The following HMGXB3 variants were observed in gnomAD, a reference collection of about 807,000 sequenced individuals.
The protein encoded by HMGXB3 is HMG-box containing 3.
Under a neutral mutation model 121.5 loss-of-function variants are expected in HMGXB3, and 45 were observed. The ratio of observed to expected loss-of-function variants is 0.37; its 90% CI spans 0.29 to 0.47. The LOEUF is 0.47. Among genes scored for constraint, HMGXB3 ranks in the 20% least tolerant of loss-of-function variants. The pLI, the probability that HMGXB3 is intolerant of heterozygous loss-of-function variation, is 0.99. For missense variants in HMGXB3, 1,376 were observed against 1,602.2 expected, an observed-to-expected ratio of 0.86 and a Z score of 2.41; for synonymous variants, 590 against 624.1, an observed-to-expected ratio of 0.95 and a Z score of 0.81.
In HMGXB3 at chr5:150,010,334, C is replaced by T; in HGVS notation, c.536C>T (p.Ala179Val). Residue 179 changes from alanine (A) to valine (V), a missense_variant, in exon 4 of 20, where the codon GCA becomes GTA. Around this residue, in one of 2 missense-constraint regions of HMGXB3, gnomAD observed 1,116 missense variants for 1,369.0 expected, o/e 0.82. Transcript: ENST00000502717. ...PETVPSHAGMAEQCLAVEALA... is the reference protein window; with the variant it reads ...PETVPSHAGMVEQCLAVEALA... Reference sequence around the variant, plus strand: ...ACAGTGCCCAGCCATGCAGGCATGGCAGAGCAGTGCCTGGCTGTGGAGGCC... The same window carrying T: ...ACAGTGCCCAGCCATGCAGGCATGGTAGAGCAGTGCCTGGCTGTGGAGGCC... 2 of 1,551,710 alleles carry T rather than the reference C, an allele frequency of 1.3e-6. No homozygotes were observed. Among genetic ancestry groups the T allele is most frequent in the Non-Finnish European group, 1.7e-6 (2 of 1,146,990 alleles).
At position 150,011,623 on chromosome 5, in the gene HMGXB3, A is replaced by T. The variant is rs1309022877; in HGVS notation, c.811-632A>T. Among the ~76,000 whole-genome samples, 145 of 94,204 alleles carry T rather than the reference A, an allele frequency of 1.5e-3. 1 individual carries two copies. The highest frequency in any genetic ancestry group is 8.0e-3 in the African/African-American group (120 of 15,068). 61.8% of individuals were successfully genotyped at this position (94,204 alleles called of 152,430 possible). Reference sequence around the variant, plus strand: ...TTTTTGGTTTTTTTTTTTTTTTTTGAGACGGAGTTTTGCTCTTGTCACCCA... The same window carrying T: ...TTTTTGGTTTTTTTTTTTTTTTTTGTGACGGAGTTTTGCTCTTGTCACCCA... On this transcript the variant is annotated intron_variant, in intron 4 of 19. Coordinates refer to ENST00000502717, the MANE Select transcript of HMGXB3 (RefSeq NM_014983.3).
chr5:150,037,666 T>TTA (rs1241647419), intron 13 of HMGXB3, 139 bp downstream of exon 13: 1 of 655,938 alleles, frequency 1.5e-6, no homozygotes. Flanking sequence ...TCTTCCTAAA[T>TTA]GTCTTAGTCC....
At chr5:150,025,838 C>A (rs1365909225) in intron 7 of HMGXB3, among the ~76,000 whole-genome samples, 1 of 149,672 alleles carries the variant, frequency 6.7e-6, no homozygotes, top group Non-Finnish European at 1.5e-5. Flanking sequence ...CTCCCAAATA[C>A]ATCTTGCTTT....
chr5:150,039,642 G>A (rs1188680675), intron 13 of HMGXB3, among the ~76,000 whole-genome samples: 1 of 151,404 alleles, frequency 6.6e-6, no homozygotes, highest in Non-Finnish European at 1.5e-5. Flanking sequence ...GGTCTTTTTT[G>A]TTGACAGTTT....
Position 150,030,743 on chromosome 5 carries a change from A to G in HMGXB3, c.1737A>G (p.Leu579=), listed in dbSNP as rs746303681. 6.4e-7 allele frequency: 1 copy of G among 1,551,668 alleles called. No homozygotes were observed. The highest frequency in any genetic ancestry group is 1.2e-5 in the South Asian group (1 of 84,032). The change falls in exon 10 of 20, where the codon CTA becomes CTG. Residue 579 remains leucine (L), a splice_region_variant and synonymous_variant. Coordinates refer to ENST00000502717, the MANE Select transcript of HMGXB3 (RefSeq NM_014983.3). ...QQPSGPGEVK[L]PSGPSNRTSQ... ...AAATAATTTGTTCTGATCCACAGCT[A>G]CCAAGTGGCCCATCCAACAGGACTT...
chr5:150,047,842 G>A, intron 17 of HMGXB3, 85 bp downstream of exon 17: 1 of 1,443,442 alleles, frequency 6.9e-7, no homozygotes, highest in Non-Finnish European at 9.5e-7. Context: ...ATGAATATCT[G>A]TGATGGCATC....
chr5:150,047,871 C>T lies in HMGXB3; in HGVS notation c.3084+114C>T, dbSNP rs890063402. 7 of 1,221,506 alleles carry T rather than the reference C, an allele frequency of 5.7e-6. No homozygotes were observed. The African/African-American group carries it at 9.0e-5, about 16-fold the overall frequency. 75.7% of individuals were successfully genotyped at this position (1,221,506 alleles called of 1,614,324 possible). A position where few individuals can be genotyped will look rare whatever the true frequency, so the allele number is the denominator to read the frequency against. ...TGGCATCTGCCTTGGACACAAGGTG[C>T]TGGCAGTCAGGGATGCCTAGGAGAT... On this transcript the variant is annotated intron_variant, in intron 17 of 19. Transcript: ENST00000502717.
chr5:150,027,007 C>T lies in HMGXB3; in HGVS notation c.1637-13C>T. On this transcript the variant is annotated splice_polypyrimidine_tract_variant and intron_variant, in intron 8 of 19. Transcript: ENST00000502717. ...TGCACTTAAGTCACCAGTTTGGCTC[C>T]TGGTTCTCTCAGATAAGACTCCCTC... 1 of 1,551,150 alleles carries T rather than the reference C, an allele frequency of 6.4e-7. No individual in the cohort carries two copies. The highest frequency in any genetic ancestry group is 8.7e-7 in the Non-Finnish European group (1 of 1,146,698).
At chr5:150,042,801 C>T (rs1434182399) in intron 15 of HMGXB3, among the ~76,000 whole-genome samples, 2 of 152,222 alleles carry the variant, frequency 1.3e-5, no homozygotes, top group African/African-American at 4.8e-5. Context: ...ACATCAAACT[C>T]AGATGGCTTC....
chr5:150,032,713 T>G (rs1756410156), intron 11 of HMGXB3, 110 bp downstream of exon 11: 1 of 1,294,554 alleles, frequency 7.7e-7, no homozygotes, highest in South Asian at 1.5e-5. Flanking sequence ...AGTTAGAGCA[T>G]CCAAACTGAA....
In HMGXB3 at chr5:150,050,269, G is replaced by A. The variant is rs1285172074; in HGVS notation, c.3219G>A (p.Lys1073=). 1 of 1,551,928 alleles carries A rather than the reference G, an allele frequency of 6.4e-7. No individual in the cohort carries two copies. Among genetic ancestry groups the A allele is most frequent in the East Asian group, 2.4e-5 (1 of 40,920 alleles). ...TCTCCCAGGTGGTCTGCGGCTCCAA[G>A]TATCTTGTGCGAGGTGAGAGTGCCC... is the stretch of plus-strand genomic sequence containing the variant. The part of the protein sequence containing the change: ...VCPHQVVCGS[K]YLVRGESARD... The change falls in exon 19 of 20, where the codon AAG becomes AAA. Residue 1073 remains lysine, a synonymous_variant. Transcript: ENST00000502717.
rs1755795547 is a variant in HMGXB3, at chr5:150,010,214, A to G, written c.416A>G (p.Gln139Arg). ...DYIIIPKSSL[Q>R]EDRSCPQLEL... ...ATCATCATCCCCAAGAGCAGCCTGC[A>G]GGAGGACCGGAGCTGCCCTCAGCTA... is the stretch of plus-strand genomic sequence containing the variant. Residue 139 changes from glutamine (Q) to arginine (R), a missense_variant, in exon 4 of 20, where the codon CAG becomes CGG. Physicochemically the swap from Gln to Arg is conservative, Grantham distance 43. Around this residue, in one of 2 missense-constraint regions of HMGXB3, gnomAD observed 1,116 missense variants for 1,369.0 expected, o/e 0.82. Transcript: ENST00000502717. The G allele has an allele frequency of 3.2e-6, 5 of 1,551,924 alleles. No homozygotes were observed. The highest frequency in any genetic ancestry group is 4.4e-6 in the Non-Finnish European group (5 of 1,147,044).
chr5:150,039,939 A>G (rs1756588561), intron 13 of HMGXB3, among the ~76,000 whole-genome samples: 1 of 152,210 alleles, frequency 6.6e-6, no homozygotes, highest in South Asian at 2.1e-4. Flanking sequence ...TTTGTCTTAA[A>G]TTGACTGCGC....
rs938212896 is a variant in HMGXB3 at position 150,030,765 on chromosome 5, A to T, written c.1759A>T (p.Thr587Ser). Residue 587 changes from threonine (T) to serine (S), a missense_variant, in exon 10 of 20, where the codon ACT (threonine) becomes TCT (serine). Around this residue, in one of 2 missense-constraint regions of HMGXB3, gnomAD observed 1,116 missense variants for 1,369.0 expected, o/e 0.82. Coordinates refer to ENST00000502717, the MANE Select transcript of HMGXB3 (RefSeq NM_014983.3). ...VKLPSGPSNR[T>S]SQVKVVEVKP... Reference sequence around the variant, plus strand: ...GCTACCAAGTGGCCCATCCAACAGGACTTCTCAGGTGAAAGTTGTGGAGGT... The same window carrying T: ...GCTACCAAGTGGCCCATCCAACAGGTCTTCTCAGGTGAAAGTTGTGGAGGT... The T allele has an allele frequency of 1.3e-6, 2 of 1,552,240 alleles. No homozygotes were observed. The highest frequency in any genetic ancestry group is 2.4e-5 in the South Asian group (2 of 84,058).
In HMGXB3 at chr5:150,045,668, A is replaced by G. The variant is rs1321279892; in HGVS notation, c.2933A>G (p.Asp978Gly). 1 of 1,551,700 alleles carries G rather than the reference A, an allele frequency of 6.4e-7. No individual in the cohort carries two copies. ...AACACTGAGAAAGACAAAAACCTGGATGTGCAGCCAGTACCTGGTAAGGCC... is the reference window on the plus strand; with the variant it reads ...AACACTGAGAAAGACAAAAACCTGGGTGTGCAGCCAGTACCTGGTAAGGCC... ...VVNTEKDKNL[D>G]VQPVPGSGSA... Residue 978 changes from aspartate (D) to glycine (G), a missense_variant, in exon 16 of 20, where the codon GAT (aspartate) becomes GGT (glycine). By Grantham distance (94) the Asp-to-Gly change is moderately conservative. Transcript: ENST00000502717.
At chr5:150,036,564 C>G (rs1053153645) in intron 11 of HMGXB3, 72 bp from the exon 12 acceptor site, 43 of 1,379,908 alleles carry the variant, frequency 3.1e-5, no homozygotes, top group Non-Finnish European at 4.2e-5. Flanking sequence ...TGCTCCCAGA[C>G]TTTTATTATT....
At chr5:150,031,021 C>T (rs1416036876) in intron 10 of HMGXB3, among the ~76,000 whole-genome samples, 182 bp downstream of exon 10, 3 of 152,092 alleles carry the variant, frequency 2.0e-5, no homozygotes, top group African/African-American at 7.2e-5. Context: ...GATGAATCTG[C>T]TGGGTTGTTT....
intron 15 of HMGXB3, among the ~76,000 whole-genome samples, chr5:150,044,588 C>T (rs1756713418): frequency 6.6e-6 from 1 of 152,186 alleles, no homozygotes; most frequent in Non-Finnish European, 1.5e-5. Context: ...CTCAGGAGAT[C>T]TGGAGTGGGG....
In HMGXB3 at chr5:150,004,926, C is replaced by T. The variant is rs1383026746; in HGVS notation, c.74C>T (p.Ser25Phe). 6.4e-7 allele frequency: 1 copy of T among 1,551,798 alleles called. No homozygotes were observed. The highest frequency in any genetic ancestry group is 1.2e-5 in the South Asian group (1 of 84,054). ...EEIEEAYCYT[S>F]PGPPKKKKKY... ...ATTGAGGAAGCCTATTGTTACACCT[C>T]TCCTGGGCCACCCAAGAAGAAGAAA... The change falls in exon 2 of 20, where the codon TCT becomes TTT. Residue 25 changes from serine to phenylalanine, a missense_variant. Transcript: ENST00000502717.
Sources: allele counts gnomAD v4.1 joint callset (sites outside exome capture counted in the v4.1 genomes callset), GRCh38; gene constraint gnomAD v4.1.1; regional missense constraint gnomAD v4.1.1; transcripts MANE v1.5; gene names NCBI Gene and HGNC (gene_info 2026-07-23, HGNC 2026-07-21).